Variants in PUM3 observed in about 807,000 individuals in gnomAD.
The protein encoded by PUM3 is pumilio homolog 3.
In PUM3, 91 loss-of-function variants were observed where a neutral mutation model predicts 84.0. The ratio of observed to expected loss-of-function variants is 1.08; its 90% CI spans 0.91 to 1.29. The LOEUF (loss-of-function observed/expected upper bound fraction) is 1.29. Ranked by LOEUF, PUM3 falls within the 50% of genes most tolerant of loss-of-function variation. PUM3 has a pLI of 0.00. For missense variants in PUM3, 1,067 were observed against 767.5 expected, an observed-to-expected ratio of 1.39 and a Z score of -4.61; for synonymous variants, 321 against 266.7, an observed-to-expected ratio of 1.20 and a Z score of -1.98.
chr9:2,826,608 G>A (rs558660369), intron 10 of PUM3, among the ~76,000 whole-genome samples: 3 of 152,310 alleles, frequency 2.0e-5, no homozygotes, highest in African/African-American at 7.2e-5. Context: ...TGACTGACTT[G>A]AAGGGCAGTG....
intron 8 of PUM3, 137 bp downstream of exon 8, chr9:2,829,637 A>G (rs1815917824): frequency 1.4e-6 from 1 of 704,278 alleles, no homozygotes; most frequent in South Asian, 2.2e-5. Context: ...GCATGAGGGA[A>G]AATCAAGGGC....
chr9:2,807,971 A>G, intron 16 of PUM3, 67 bp from the exon 17 acceptor site: 1 of 979,496 alleles, frequency 1.0e-6, no homozygotes. Flanking sequence ...CCCCTTCTCT[A>G]CTGCCCTTAA....
chr9:2,832,786 G>A (rs111929155), intron 5 of PUM3, among the ~76,000 whole-genome samples: 1 of 152,148 alleles, frequency 6.6e-6, no homozygotes, highest in Admixed American at 6.5e-5. Flanking sequence ...GCCCCTCCAG[G>A]TGCCGTAAAA....
chr9:2,835,255 A>G (rs1168330160), intron 3 of PUM3, among the ~76,000 whole-genome samples: 2 of 152,136 alleles, frequency 1.3e-5, no homozygotes, highest in African/African-American at 4.8e-5. Flanking sequence ...TCCACAAAAA[A>G]TTAAATTAAA....
intron 10 of PUM3, among the ~76,000 whole-genome samples, chr9:2,826,605 C>T (rs1815826457): frequency 6.6e-6 from 1 of 152,184 alleles, no homozygotes; most frequent in Non-Finnish European, 1.5e-5. Flanking sequence ...CCATGACTGA[C>T]TTGAAGGGCA....
chr9:2,817,512 T>C (rs560234662), intron 13 of PUM3, among the ~76,000 whole-genome samples: 2 of 151,588 alleles, frequency 1.3e-5, no homozygotes, highest in Non-Finnish European at 2.9e-5. Context: ...CTCACAAACA[T>C]GAGAAAAGAA....
In PUM3 at chr9:2,838,478, T is replaced by C. The variant is rs1333008507; in HGVS notation, c.30A>G (p.Thr10=). The part of the protein sequence containing the change: MEVKGKKQF[T]GKSTKTAQEK... ...CTTGTGCTGTCTTTGTACTCTTTCCTGTGAATTGCTTTTTCCCTTTAACTT... is the reference window on the plus strand; with the variant it reads ...CTTGTGCTGTCTTTGTACTCTTTCCCGTGAATTGCTTTTTCCCTTTAACTT... Residue 10 remains threonine (T), a synonymous_variant, in exon 2 of 18, where the codon ACA becomes ACG. Coordinates refer to ENST00000397885, the MANE Select transcript of PUM3 (RefSeq NM_014878.5). The C allele has an allele frequency of 2.5e-6, 4 of 1,613,638 alleles. No individual in the cohort carries two copies. The African/African-American group carries it at 4.0e-5, about 16-fold the overall frequency.
chr9:2,827,991 C>G (rs1263256517), intron 9 of PUM3, among the ~76,000 whole-genome samples: 1 of 152,100 alleles, frequency 6.6e-6, no homozygotes, highest in African/African-American at 2.4e-5. Flanking sequence ...TGGACAGATG[C>G]CATGAAGGGC....
chr9:2,837,179 C>T lies in PUM3; in HGVS notation c.304+1G>A. 6.2e-7 allele frequency: 1 copy of T among 1,613,650 alleles called. No individual in the cohort carries two copies. Among genetic ancestry groups the T allele is most frequent in the Non-Finnish European group, 8.5e-7 (1 of 1,179,572 alleles). On this transcript the variant is annotated splice_donor_variant, in intron 3 of 17. Coordinates refer to ENST00000397885, the MANE Select transcript of PUM3 (RefSeq NM_014878.5). LOFTEE classifies it high-confidence loss of function. ...TCAGGCATGAACGAACCAGTACTTACCATCGCTTCTACCATCTGGCTGGAA... is the reference window on the plus strand; with the variant it reads ...TCAGGCATGAACGAACCAGTACTTATCATCGCTTCTACCATCTGGCTGGAA...
chr9:2,837,124 G>T, intron 3 of PUM3, 56 bp downstream of exon 3: 1 of 1,449,946 alleles, frequency 6.9e-7, no homozygotes, highest in Non-Finnish European at 9.7e-7. Flanking sequence ...CACCTCCAGA[G>T]TCCCTGTGCA....
rs569752360 is a variant in PUM3, at chr9:2,825,541, G to C, written c.1036-726C>G. 2.0e-5 allele frequency among the ~76,000 whole-genome samples: 3 copies of C among 151,688 alleles called. 1 individual carries two copies. The highest frequency in any genetic ancestry group is 7.3e-5 in the African/African-American group (3 of 41,314). The stretch of plus-strand genomic sequence containing the variant: ...TCTGTCACCCAGGCTGGAGTGCAGT[G>C]GTGCCATCTTGGCTTACTGCAACCT... On this transcript the variant is annotated intron_variant, in intron 10 of 17. Coordinates refer to ENST00000397885, the MANE Select transcript of PUM3 (RefSeq NM_014878.5).
At chr9:2,819,680 T>C (rs1197335293) in intron 13 of PUM3, among the ~76,000 whole-genome samples, 2 of 152,214 alleles carry the variant, frequency 1.3e-5, no homozygotes, top group Non-Finnish European at 2.9e-5. Context: ...CTATGCTAGT[T>C]TCTGATCATA....
chr9:2,810,278 C>T, intron 16 of PUM3, 66 bp downstream of exon 16: 1 of 1,060,724 alleles, frequency 9.4e-7, no homozygotes, highest in Non-Finnish European at 1.5e-6. Context: ...GTATAAAGTT[C>T]AGGGATGCCA....
In PUM3 at chr9:2,837,242, T is replaced by C. The variant is rs1320399288; in HGVS notation, c.242A>G (p.Lys81Arg). ...GTTGAATTTATTTGCCGGCTGGAATTTGTTCTTTGGTGATTTGTCCCCTTG... is the reference window on the plus strand; with the variant it reads ...GTTGAATTTATTTGCCGGCTGGAATCTGTTCTTTGGTGATTTGTCCCCTTG... ...KQQGDKSPKN[K>R]FQPANKFNKK... The change falls in exon 3 of 18, where the codon AAA (lysine) becomes AGA (arginine). Residue 81 changes from lysine (K) to arginine (R), a missense_variant. Coordinates refer to ENST00000397885, the MANE Select transcript of PUM3 (RefSeq NM_014878.5). 6.2e-7 allele frequency: 1 copy of C among 1,614,120 alleles called. No individual in the cohort carries two copies. The highest frequency in any genetic ancestry group is 1.7e-5 in the Admixed American group (1 of 60,026).
rs1821391601 is a variant in PUM3 at position 2,812,311 on chromosome 9, C to A, written c.1321G>T (p.Val441Phe). The A allele has an allele frequency of 1.9e-6, 3 of 1,600,018 alleles. No homozygotes were observed. Among genetic ancestry groups the A allele is most frequent in the South Asian group, 2.2e-5 (2 of 90,776 alleles). The change falls in exon 14 of 18, where the codon GTC (valine) becomes TTC (phenylalanine). Residue 441 changes from valine (V) to phenylalanine (F), a missense_variant. Transcript: ENST00000397885. Reference protein sequence around the residue: ...SIVNDKYGRKVLLYLLSPRDP... With the variant: ...SIVNDKYGRKFLLYLLSPRDP... ...CTGGGGCTTAGTAAGTACAATAGGA[C>A]CTTCCTTCCATATTTGTCATTTACT...
intron 1 of PUM3, 47 bp from the exon 2 acceptor site, chr9:2,838,564 C>G (rs1305591142): frequency 8.6e-7 from 1 of 1,157,302 alleles, no homozygotes; most frequent in Non-Finnish European, 1.3e-6. Context: ...CAGTTCTCTT[C>G]ATCAAATAAG....
chr9:2,816,407 C>T (rs1158531693), intron 13 of PUM3, among the ~76,000 whole-genome samples: 2 of 152,164 alleles, frequency 1.3e-5, no homozygotes, highest in African/African-American at 4.8e-5. Flanking sequence ...CTGCTTCATT[C>T]AGTTTTGCAA....
chr9:2,825,514 GCT>G (rs1815792750), intron 10 of PUM3, among the ~76,000 whole-genome samples: 1 of 150,746 alleles, frequency 6.6e-6, no homozygotes, highest in Admixed American at 6.6e-5. Context: ...ACGGAGTCTT[GCT>G]CTGTCACCCA....
chr9:2,810,383 T>G lies in PUM3; in HGVS notation c.1684A>C (p.Ile562Leu), dbSNP rs749400006. 3.1e-6 allele frequency: 5 copies of G among 1,612,624 alleles called. No homozygotes were observed. In the South Asian group the frequency reaches 4.4e-5, roughly 14 times the overall value. The change falls in exon 16 of 18, where the codon ATA (isoleucine) becomes CTA (leucine). Residue 562 changes from isoleucine to leucine, a missense_variant. Transcript: ENST00000397885. ...PAGHLVLKWL[I>L]EQDKKMKENG... The stretch of plus-strand genomic sequence containing the variant: ...TCTTTCATCTTTTTATCTTGCTCTA[T>G]TAACCACTTCAGAACTAGATGTCCT...
Sources: allele counts gnomAD v4.1 joint callset (sites outside exome capture counted in the v4.1 genomes callset), GRCh38; gene constraint gnomAD v4.1.1; transcripts MANE v1.5; gene names NCBI Gene and HGNC (gene_info 2026-07-23, HGNC 2026-07-21).